Variants in CBX6 observed in about 807,000 individuals in gnomAD.
CBX6 encodes chromobox protein homolog 6.
Under a neutral mutation model 28.4 loss-of-function variants are expected in CBX6, and 7 were observed. The observed-to-expected ratio is 0.25, with a 90% CI of 0.14 to 0.46. The LOEUF is 0.46. CBX6 is among the 20% of genes least tolerant of loss of function. CBX6 has a pLI of 0.99. For synonymous variants in CBX6, 297 were observed against 273.4 expected (o/e 1.09, Z -0.85); for missense variants, 512 against 606.1 (o/e 0.84, Z 1.63).
At chr22:38,868,379 A>C (rs2093175312) in intron 4 of CBX6, among the ~76,000 whole-genome samples, 1 of 152,240 alleles carries the variant, frequency 6.6e-6, no homozygotes, top group Non-Finnish European at 1.5e-5. Context: ...CCAGGCTTGG[A>C]GAATGAAACA....
Position 38,866,507 on chromosome 22 carries a change from T to G in CBX6, c.941A>C (p.Asp314Ala). Residue 314 changes from aspartate to alanine, a missense_variant, in exon 5 of 5, where the codon GAC becomes GCC. Coordinates refer to ENST00000407418, the MANE Select transcript of CBX6 (RefSeq NM_014292.5). The surrounding 1 kb of genome is among the most constrained non-coding windows in gnomAD (Gnocchi z 7.5). ...TGCCGACTCGGGAGGGAGGGACAGG[T>G]CGAGCACCTCCGGCTCGCGCCAGCT... ...APSWREPEVL[D>A]LSLPPESAAT... The G allele has an allele frequency of 6.3e-7, 1 of 1,587,980 alleles. No homozygotes were observed. Among genetic ancestry groups the G allele is most frequent in the Non-Finnish European group, 8.5e-7 (1 of 1,173,072 alleles).
intron 4 of CBX6, among the ~76,000 whole-genome samples, chr22:38,868,268 C>T (rs1282153527): frequency 1.3e-5 from 2 of 152,240 alleles, no homozygotes; most frequent in African/African-American, 2.4e-5. Flanking sequence ...CACAGACTCT[C>T]CCCTGGAGAG....
chr22:38,869,644 AT>A (rs1346661623), intron 4 of CBX6: 1 of 152,154 alleles, frequency 6.6e-6, no homozygotes, highest in Non-Finnish European at 1.5e-5. Flanking sequence ...TGCCTGATGA[AT>A]TAAAAATAAC....
At position 38,872,141 on chromosome 22, in the gene CBX6, A is replaced by T; in HGVS notation, c.50T>A (p.Ile17Asn). Residue 17 changes from isoleucine (I) to asparagine (N), a missense_variant, in exon 1 of 5, where the codon ATC (isoleucine) becomes AAC (asparagine). By Grantham distance (149) the Ile-to-Asn change is moderately radical. Transcript: ENST00000407418. This position sits in a 1 kb window ranked among gnomAD's most constrained non-coding sequence, Gnocchi z 5.0. ...GERVFAAESI[I>N]KRRIRKGRIE... Reference sequence around the variant, plus strand: ...GCTCACCTTTCGGATCCGCCGTTTGATGATGGATTCGGCCGCGAAGACCCG... The same window carrying T: ...GCTCACCTTTCGGATCCGCCGTTTGTTGATGGATTCGGCCGCGAAGACCCG... The T allele has an allele frequency of 7.0e-7, 1 of 1,427,090 alleles. No homozygotes were observed. The highest frequency in any genetic ancestry group is 9.3e-7 in the Non-Finnish European group (1 of 1,075,372). 88.4% of individuals were successfully genotyped at this position (1,427,090 alleles called of 1,614,324 possible).
In CBX6 at chr22:38,866,958, C is replaced by T; in HGVS notation, c.490G>A (p.Val164Met). The T allele has an allele frequency of 1.2e-6, 2 of 1,609,460 alleles. No homozygotes were observed. Among genetic ancestry groups the T allele is most frequent in the Non-Finnish European group, 1.7e-6 (2 of 1,178,458 alleles). Residue 164 changes from valine to methionine, a missense_variant, in exon 5 of 5, where the codon GTG (valine) becomes ATG (methionine). Val to Met is a conservative substitution (Grantham distance 21). This residue lies in a region of CBX6 where 123 missense variants were observed against 138.1 expected (regional missense o/e 0.89). Transcript: ENST00000407418. This position sits in a 1 kb window ranked among gnomAD's most constrained non-coding sequence, Gnocchi z 7.5. ...SETVRIINRK[V>M]KPREPKRNRI... ...TTCCGCTTGGGCTCCCGCGGCTTCA[C>T]CTTGCGGTTGATGATGCGCACCGTC...
Position 38,871,090 on chromosome 22 carries a change from T to C in CBX6, c.246+390A>G, listed in dbSNP as rs1293207823. On this transcript the variant is annotated intron_variant, in intron 4 of 4. Transcript: ENST00000407418. The surrounding 1 kb of genome is among the most constrained non-coding windows in gnomAD (Gnocchi z 5.6). Reference sequence around the variant, plus strand: ...TCCCCCAAATCCTCTCCTTGTGCCCTGCCAGGAGGTGGGACCCCACTCACT... The same window carrying C: ...TCCCCCAAATCCTCTCCTTGTGCCCCGCCAGGAGGTGGGACCCCACTCACT... The C allele has an allele frequency of 9.1e-6, 2 of 220,576 alleles. No homozygotes were observed. The highest frequency in any genetic ancestry group is 4.7e-5 in the African/African-American group (2 of 43,002). The allele number at this position is 220,576 out of a possible 1,614,324, so 13.7% of individuals were successfully genotyped here.
chr22:38,868,402 C>A (rs1016430860), intron 4 of CBX6, among the ~76,000 whole-genome samples: 13 of 152,204 alleles, frequency 8.5e-5, no homozygotes, highest in African/African-American at 3.1e-4. Flanking sequence ...AAAGCCCGGC[C>A]CTGACACCTA....
chr22:38,866,545 G>A lies in CBX6; in HGVS notation c.903C>T (p.Ser301=). 6.3e-7 allele frequency: 1 copy of A among 1,580,010 alleles called. No homozygotes were observed. The change falls in exon 5 of 5, where the codon AGC becomes AGT. Residue 301 remains serine (S), a synonymous_variant. Transcript: ENST00000407418. The surrounding 1 kb of genome is among the most constrained non-coding windows in gnomAD (Gnocchi z 7.5). ...GCTCGCGCCAGCTGGGGGCGGATGG[G>A]CTCACGGTCTCGGGGAGGAGCTTGG... ...TPPKLLPETV[S]PSAPSWREPE...
In CBX6 at chr22:38,872,075, C is replaced by A; in HGVS notation, c.69+47G>T. On this transcript the variant is annotated intron_variant, in intron 1 of 4. Transcript: ENST00000407418. The surrounding 1 kb of genome is among the most constrained non-coding windows in gnomAD (Gnocchi z 5.0). ...GCTTCGCCCCGAGGGCCCCCGGCCC[C>A]GGCCCCGGCTGCGGACAGCGGCGGC... is the stretch of plus-strand genomic sequence containing the variant. The A allele has an allele frequency of 7.7e-7, 1 of 1,303,640 alleles. No homozygotes were observed. 80.8% of individuals were successfully genotyped at this position (1,303,640 alleles called of 1,614,324 possible). A position where few individuals can be genotyped will look rare whatever the true frequency, so the allele number is the denominator to read the frequency against.
At chr22:38,869,322 C>T (rs796348567) in intron 4 of CBX6, among the ~76,000 whole-genome samples, 7 of 152,236 alleles carry the variant, frequency 4.6e-5, no homozygotes, top group African/African-American at 1.7e-4. Flanking sequence ...AAATGGCAGG[C>T]CCGGAAAGAA....
Position 38,867,221 on chromosome 22 carries a change from TGG to T in CBX6, c.247-22_247-21del. ...CCGCGCCTGCGGGCAGAGGGAGGGG[TGG>T]GTGGGACCTCAGGACTGCCCGCTGA... On this transcript the variant is annotated intron_variant, in intron 4 of 4. Coordinates refer to ENST00000407418, the MANE Select transcript of CBX6 (RefSeq NM_014292.5). 2.7e-6 allele frequency: 1 copy of T among 373,922 alleles called. No homozygotes were observed. Among genetic ancestry groups the T allele is most frequent in the Non-Finnish European group, 5.2e-6 (1 of 193,756 alleles). The allele number at this position is 373,922 out of a possible 1,614,324, so 23.2% of individuals were successfully genotyped here.
rs1470959462 is a variant in CBX6, at chr22:38,871,884, G to A, written c.113+18C>T. 6.6e-7 allele frequency: 1 copy of A among 1,517,108 alleles called. No individual in the cohort carries two copies. Among genetic ancestry groups the A allele is most frequent in the South Asian group, 1.2e-5 (1 of 82,092 alleles). The allele number at this position is 1,517,108 out of a possible 1,614,324, so 94.0% of individuals were successfully genotyped here. A position where few individuals can be genotyped will look rare whatever the true frequency, so the allele number is the denominator to read the frequency against. On this transcript the variant is annotated intron_variant, in intron 2 of 4. Transcript: ENST00000407418. The surrounding 1 kb of genome is among the most constrained non-coding windows in gnomAD (Gnocchi z 5.6). Reference sequence around the variant, plus strand: ...CTGCCTCCCCTCCCGCGACGCCCCCGGACCCCGCGACACTCACTTGATCGC... The same window carrying A: ...CTGCCTCCCCTCCCGCGACGCCCCCAGACCCCGCGACACTCACTTGATCGC...
At position 38,866,089 on chromosome 22, in the gene CBX6, G is replaced by C. The variant is rs1046787362; in HGVS notation, c.*120C>G. 3 of 813,436 alleles carry C rather than the reference G, an allele frequency of 3.7e-6. No homozygotes were observed. The highest frequency in any genetic ancestry group is 3.8e-6 in the Non-Finnish European group (2 of 527,490). The allele number at this position is 813,436 out of a possible 1,614,324, so 50.4% of individuals were successfully genotyped here. A position where few individuals can be genotyped will look rare whatever the true frequency, so the allele number is the denominator to read the frequency against. On this transcript the variant is annotated 3_prime_UTR_variant, in exon 5 of 5. Transcript: ENST00000407418. The surrounding 1 kb of genome is among the most constrained non-coding windows in gnomAD (Gnocchi z 7.5). The stretch of plus-strand genomic sequence containing the variant: ...CCAGCCCCATCCCTGGGTCAACACC[G>C]AGCCATTTGAGACAAGCAAAGCACA...
rs766644076 is a variant in CBX6, at chr22:38,871,451, G to T, written c.246+29C>A. 6.0e-5 allele frequency: 96 copies of T among 1,588,234 alleles called. No individual in the cohort carries two copies. Among genetic ancestry groups the T allele is most frequent in the Non-Finnish European group, 7.8e-5 (91 of 1,167,024 alleles). On this transcript the variant is annotated intron_variant, in intron 4 of 4. Coordinates refer to ENST00000407418, the MANE Select transcript of CBX6 (RefSeq NM_014292.5). The surrounding 1 kb of genome is among the most constrained non-coding windows in gnomAD (Gnocchi z 5.6). The stretch of plus-strand genomic sequence containing the variant: ...GTGCCGGGGCTGGGGGCCCGAGAGG[G>T]GGATGCTGCTGGGGCTGGGCCAGGT...
rs2093170902 is a variant in CBX6, at chr22:38,866,677, A to G, written c.771T>C (p.Pro257=). ...PGKAEASAPG[P]GLLLAAPAAP... is the part of the protein sequence containing the mutation. ...CGGCGGGGGCGGCCAGAAGTAGCCC[A>G]GGGCCCGGGGCTGAGGCCTCAGCCT... The change falls in exon 5 of 5, where the codon CCT becomes CCC. Residue 257 remains proline (P), a synonymous_variant. Coordinates refer to ENST00000407418, the MANE Select transcript of CBX6 (RefSeq NM_014292.5). The surrounding 1 kb of genome is among the most constrained non-coding windows in gnomAD (Gnocchi z 7.5). The G allele has an allele frequency of 4.3e-6, 5 of 1,151,626 alleles. No homozygotes were observed. The highest frequency in any genetic ancestry group is 3.3e-6 in the Non-Finnish European group (3 of 912,986). The allele number at this position is 1,151,626 out of a possible 1,614,324, so 71.3% of individuals were successfully genotyped here.
chr22:38,862,602 A>G lies in CBX6; in HGVS notation c.*3607T>C, dbSNP rs552479954. On this transcript the variant is annotated 3_prime_UTR_variant, in exon 5 of 5. Transcript: ENST00000407418. ...AAGAAAAACCACCACAAACCAAAAC[A>G]ACAAAATGACACAGAAGAGTGGGCA... 3.3e-5 allele frequency: 5 copies of G among 152,346 alleles called. No homozygotes were observed. Among genetic ancestry groups the G allele is most frequent in the African/African-American group, 1.2e-4 (5 of 41,536 alleles). The allele number at this position is 152,346 out of a possible 1,614,324, so 9.4% of individuals were successfully genotyped here. A position where few individuals can be genotyped will look rare whatever the true frequency, so the allele number is the denominator to read the frequency against.
In CBX6 at chr22:38,872,014, C is replaced by T. The variant is rs1378415619; in HGVS notation, c.70-69G>A. Reference sequence around the variant, plus strand: ...ATGCGGGGACGCGAGGAGGCGGCGGCGCGGGGCTGGGCGAGGGAGCCGGGC... The same window carrying T: ...ATGCGGGGACGCGAGGAGGCGGCGGTGCGGGGCTGGGCGAGGGAGCCGGGC... On this transcript the variant is annotated intron_variant, in intron 1 of 4. Coordinates refer to ENST00000407418, the MANE Select transcript of CBX6 (RefSeq NM_014292.5). The surrounding 1 kb of genome is among the most constrained non-coding windows in gnomAD (Gnocchi z 5.0). 15 of 1,402,346 alleles carry T rather than the reference C, an allele frequency of 1.1e-5. No individual in the cohort carries two copies. The highest frequency in any genetic ancestry group is 1.4e-5 in the Non-Finnish European group (15 of 1,062,116). 86.9% of individuals were successfully genotyped at this position (1,402,346 alleles called of 1,614,324 possible).
Position 38,871,716 on chromosome 22 carries a change from C to T in CBX6, c.155G>A (p.Arg52Gln), listed in dbSNP as rs1436598143. 6.2e-7 allele frequency: 1 copy of T among 1,613,138 alleles called. No individual in the cohort carries two copies. The highest frequency in any genetic ancestry group is 1.7e-5 in the Admixed American group (1 of 59,936). Residue 52 changes from arginine to glutamine, a missense_variant, in exon 3 of 5, where the codon CGG becomes CAG. Arg to Gln is a conservative substitution (Grantham distance 43). This residue lies in a region of CBX6 where 20 missense variants were observed against 70.3 expected (regional missense o/e 0.28). Transcript: ENST00000407418. The surrounding 1 kb of genome is among the most constrained non-coding windows in gnomAD (Gnocchi z 5.6). The stretch of plus-strand genomic sequence containing the variant: ...CTTTTGTTCGAAGGCTGCAATGAGC[C>T]GCGAGTCCAGGATGTTCTCCTCGGG... ...WEPEENILDSRLIAAFEQKER... is the reference protein window; with the variant it reads ...WEPEENILDSQLIAAFEQKER...
At position 38,865,866 on chromosome 22, in the gene CBX6, CGAGAAATCA is replaced by C. The variant is rs1428360378; in HGVS notation, c.*334_*342del. ...GGCCCCACAGCTGCCAGGTTAGCACCGAGAAATCAGACGCCGCACAGGAGAGCAGGAAGC... is the reference window on the plus strand; with the variant it reads ...GGCCCCACAGCTGCCAGGTTAGCACCGACGCCGCACAGGAGAGCAGGAAGC... On this transcript the variant is annotated 3_prime_UTR_variant, in exon 5 of 5. Transcript: ENST00000407418. 1 of 284,332 alleles carries C rather than the reference CGAGAAATCA, an allele frequency of 3.5e-6. No individual in the cohort carries two copies. Among genetic ancestry groups the C allele is most frequent in the African/African-American group, 2.2e-5 (1 of 45,770 alleles). 17.6% of individuals were successfully genotyped at this position (284,332 alleles called of 1,614,324 possible).
Sources: allele counts gnomAD v4.1 joint callset (sites outside exome capture counted in the v4.1 genomes callset), GRCh38; gene constraint gnomAD v4.1.1; regional missense constraint gnomAD v4.1.1; non-coding constraint Gnocchi (gnomAD v3.1); transcripts MANE v1.5; gene names NCBI Gene and HGNC (gene_info 2026-07-23, HGNC 2026-07-21).